The following ADGRV1 variants were observed in gnomAD, a reference collection of about 807,000 sequenced individuals.
ADGRV1 encodes the protein G-protein coupled receptor 98.
ADGRV1 carries 359 observed loss-of-function variants against 596.2 expected under a neutral mutation model. The observed-to-expected ratio is 0.60, with a 90% CI of 0.55 to 0.66. The LOEUF (loss-of-function observed/expected upper bound fraction) is 0.66, where lower values mean the gene tolerates loss of function less well. Ranked by LOEUF, ADGRV1 falls within the 30% of genes least tolerant of loss-of-function variation. The pLI, the probability that ADGRV1 is intolerant of heterozygous loss-of-function variation, is 0.00. For missense variants in ADGRV1, 7,274 were observed against 7,575.6 expected (o/e 0.96, Z 1.48); for synonymous variants, 2,681 against 2,679.2 (o/e 1.00, Z -0.02).
At chr5:90,694,748 C>A in intron 33 of ADGRV1, 47 bp downstream of exon 33, 5 of 1,428,270 alleles carry the variant, frequency 3.5e-6, no homozygotes, top group Non-Finnish European at 4.7e-6. Flanking sequence ...GTAAAGTCAT[C>A]ATAGTCCATT....
chr5:90,702,863 A>T (rs541207830), intron 34 of ADGRV1, among the ~76,000 whole-genome samples: 170 of 152,076 alleles, frequency 1.1e-3, no homozygotes, highest in African/African-American at 3.4e-3. Flanking sequence ...TTTTTTAGTG[A>T]TACAGTTCAT....
In ADGRV1 at chr5:90,653,495, T is replaced by C. The variant is rs747051096; in HGVS notation, c.3921T>C (p.Ile1307=). 1.9e-6 allele frequency: 3 copies of C among 1,613,788 alleles called. No homozygotes were observed. Among genetic ancestry groups the C allele is most frequent in the Non-Finnish European group, 2.5e-6 (3 of 1,179,870 alleles). Residue 1307 remains isoleucine, a synonymous_variant, in exon 20 of 90, where the codon ATT becomes ATC. Transcript: ENST00000405460. ...PPMIDFLLVG[I]FPTTVHLQQH... is the part of the protein sequence containing the mutation. ...TGATAGATTTTTTACTGGTTGGAATTTTCCCCACCACCGTGCATTTACAAC... is the reference window on the plus strand; with the variant it reads ...TGATAGATTTTTTACTGGTTGGAATCTTCCCCACCACCGTGCATTTACAAC...
At chr5:91,082,246 T>A (rs1411771740) in intron 86 of ADGRV1, among the ~76,000 whole-genome samples, 2 of 152,240 alleles carry the variant, frequency 1.3e-5, no homozygotes, top group Non-Finnish European at 2.9e-5. Flanking sequence ...TTTATCAGTT[T>A]TGTATTCAGG....
intron 1 of ADGRV1, among the ~76,000 whole-genome samples, chr5:90,577,574 T>C (rs190371109): frequency 6.6e-6 from 1 of 152,306 alleles, no homozygotes; most frequent in East Asian, 1.9e-4. Context: ...TTGTTGTTTT[T>C]GCTTAGGATT....
intron 83 of ADGRV1, among the ~76,000 whole-genome samples, chr5:90,943,570 A>C (rs1041498662): frequency 6.6e-6 from 1 of 152,122 alleles, no homozygotes; most frequent in Non-Finnish European, 1.5e-5. Flanking sequence ...TGGAGCTTCT[A>C]TCAGTTTCCT....
chr5:90,638,962 C>G (rs1766609589), intron 11 of ADGRV1, among the ~76,000 whole-genome samples: 1 of 151,924 alleles, frequency 6.6e-6, no homozygotes, highest in South Asian at 2.1e-4. Flanking sequence ...GTTCCTTTTG[C>G]TTTCTTTCAA....
chr5:90,763,178 G>T, intron 58 of ADGRV1, 127 bp from the exon 59 acceptor site: 1 of 890,870 alleles, frequency 1.1e-6, no homozygotes, highest in Non-Finnish European at 1.6e-6. Flanking sequence ...TCTGCCACAT[G>T]ATAATTACAT....
Position 90,720,185 on chromosome 5 carries a change from C to A in ADGRV1, c.9585C>A (p.Ala3195=). 2 of 1,604,124 alleles carry A rather than the reference C, an allele frequency of 1.2e-6. No individual in the cohort carries two copies. The highest frequency in any genetic ancestry group is 1.7e-6 in the Non-Finnish European group (2 of 1,175,162). Residue 3195 remains alanine (A), a synonymous_variant, in exon 44 of 90, where the codon GCC becomes GCA. Transcript: ENST00000405460. ...TGATAACAGTTTTGCAAAACCAGGCCCCTTTGGGGCTATTCAGTATCTCTG... is the reference window on the plus strand; with the variant it reads ...TGATAACAGTTTTGCAAAACCAGGCACCTTTGGGGCTATTCAGTATCTCTG... ...QTLITVLQNQ[A]PLGLFSISAV...
rs541151544 is a variant in ADGRV1 at position 90,765,979 on chromosome 5, T to G, written c.12285+2510T>G. Among the ~76,000 whole-genome samples, 73 of 152,058 alleles carry G rather than the reference T, an allele frequency of 4.8e-4. 1 individual carries two copies. In the South Asian group the frequency reaches 0.013, roughly 28 times the overall value. On this transcript the variant is annotated intron_variant, in intron 59 of 89. Coordinates refer to ENST00000405460, the MANE Select transcript of ADGRV1 (RefSeq NM_032119.4). ...GGCTGGAGTGCAGTGGCGCGATCTC[T>G]GCTCACTGCAAGCTCCACCTCCCGG... is the stretch of plus-strand genomic sequence containing the variant.
At chr5:90,998,019 A>T (rs577207771) in intron 85 of ADGRV1, among the ~76,000 whole-genome samples, 57 of 152,326 alleles carry the variant, frequency 3.7e-4, no homozygotes, top group African/African-American at 1.3e-3. Flanking sequence ...AACATTGTTG[A>T]CCCTGTAAGT....
At chr5:90,798,427 G>A (rs1417080420) in intron 70 of ADGRV1, among the ~76,000 whole-genome samples, 3 of 152,248 alleles carry the variant, frequency 2.0e-5, no homozygotes, top group South Asian at 4.1e-4. Context: ...AATTGAGGTA[G>A]TAATTAATAG....
intron 45 of ADGRV1, among the ~76,000 whole-genome samples, chr5:90,724,431 GT>G (rs1473239185): frequency 1.3e-5 from 2 of 152,034 alleles, no homozygotes; most frequent in Non-Finnish European, 2.9e-5. Flanking sequence ...GTTTCACCAT[GT>G]TGGCCAGGCT....
At chr5:90,893,062 G>A (rs1423737662) in intron 83 of ADGRV1, among the ~76,000 whole-genome samples, 1 of 152,122 alleles carries the variant, frequency 6.6e-6, no homozygotes, top group Non-Finnish European at 1.5e-5. Context: ...TGACGGTTGG[G>A]TATCTAAGAG....
At position 90,978,282 on chromosome 5, in the gene ADGRV1, G is replaced by A. The variant is rs557661903; in HGVS notation, c.17974-7062G>A. 5.6e-5 allele frequency among the ~76,000 whole-genome samples: 8 copies of A among 143,652 alleles called. No homozygotes were observed. In the East Asian group the frequency reaches 1.7e-3, roughly 31 times the overall value. The allele number at this position is 143,652 out of a possible 152,430, so 94.2% of individuals were successfully genotyped here. A position where few individuals can be genotyped will look rare whatever the true frequency, so the allele number is the denominator to read the frequency against. ...TACACTCCAGACTGGGGGACAGAGC[G>A]AGACTTCATCTCAAAATAAATAAAT... is the stretch of plus-strand genomic sequence containing the variant. On this transcript the variant is annotated intron_variant, in intron 84 of 89. Coordinates refer to ENST00000405460, the MANE Select transcript of ADGRV1 (RefSeq NM_032119.4).
intron 83 of ADGRV1, among the ~76,000 whole-genome samples, chr5:90,961,271 C>T (rs1473465059): frequency 6.6e-6 from 1 of 151,968 alleles, no homozygotes; most frequent in African/African-American, 2.4e-5. Context: ...GAGGCCGAAG[C>T]GGGCGGATCA....
At chr5:91,102,166 A>G in intron 86 of ADGRV1, 53 bp from the exon 87 acceptor site, 1 of 1,544,808 alleles carries the variant, frequency 6.5e-7, no homozygotes, top group Non-Finnish European at 8.8e-7. Context: ...CTGTGTATAC[A>G]TGTGACTGTG....
intron 74 of ADGRV1, among the ~76,000 whole-genome samples, chr5:90,813,225 G>T (rs985339329): frequency 1.5e-5 from 2 of 137,270 alleles, no homozygotes; most frequent in Admixed American, 8.0e-5. Context: ...TTTTATTACA[G>T]GTATTTGAAT....
intron 82 of ADGRV1, among the ~76,000 whole-genome samples, chr5:90,857,401 G>C (rs1427916811): frequency 1.3e-5 from 2 of 151,544 alleles, no homozygotes; most frequent in African/African-American, 4.8e-5. Flanking sequence ...AAAAAAAAAA[G>C]GAGTTTTAAA....
At chr5:90,596,151 A>G (rs1328566771) in intron 1 of ADGRV1, among the ~76,000 whole-genome samples, 1 of 113,788 alleles carries the variant, frequency 8.8e-6, no homozygotes, top group African/African-American at 3.4e-5. Flanking sequence ...CATCCCAGAC[A>G]GGGCGGCGGG....
Sources: allele counts gnomAD v4.1 joint callset (sites outside exome capture counted in the v4.1 genomes callset), GRCh38; gene constraint gnomAD v4.1.1; transcripts MANE v1.5; gene names NCBI Gene and HGNC (gene_info 2026-07-23, HGNC 2026-07-21).